Variants in PHF24 observed in about 807,000 individuals in gnomAD.
PHF24 encodes the protein PHD finger protein 24.
PHF24 carries 25 observed loss-of-function variants against 42.6 expected under a neutral mutation model. The ratio of observed to expected loss-of-function variants is 0.59; its 90% confidence interval spans 0.43 to 0.82. PHF24 has a LOEUF of 0.82. PHF24 is among the 40% of genes least tolerant of loss of function. The pLI is 0.00. For missense variants in PHF24, 470 were observed against 538.1 expected, an observed-to-expected ratio of 0.87 and a Z score of 1.25; for synonymous variants, 185 against 204.8, an observed-to-expected ratio of 0.90 and a Z score of 0.83.
At chr9:34,879,880 C>A in the PHF24 span, among the ~76,000 whole-genome samples, 1 of 152,114 alleles carries the variant, frequency 6.6e-6, no homozygotes, top group Admixed American at 6.5e-5. Flanking sequence ...AGAAGAGCAA[C>A]TCCAAGACAC....
the PHF24 span, among the ~76,000 whole-genome samples, chr9:34,756,832 A>C: frequency 6.6e-6 from 1 of 152,092 alleles, no homozygotes; most frequent in Non-Finnish European, 1.5e-5. Context: ...ATATTAATTC[A>C]TCCAGTCTGT....
At chr9:34,806,035 T>G in the PHF24 span, among the ~76,000 whole-genome samples, 6 of 152,232 alleles carry the variant, frequency 3.9e-5, no homozygotes, top group Non-Finnish European at 5.9e-5. Flanking sequence ...CATAGATGTA[T>G]GGGCTTATTT....
the PHF24 span, among the ~76,000 whole-genome samples, chr9:34,722,734 A>G: frequency 6.6e-6 from 1 of 152,132 alleles, no homozygotes; most frequent in Non-Finnish European, 1.5e-5. Flanking sequence ...AAAATGATCA[A>G]TGCTTTGTCT....
At chr9:34,667,622 A>C in the PHF24 span, among the ~76,000 whole-genome samples, 1 of 152,136 alleles carries the variant, frequency 6.6e-6, no homozygotes, top group East Asian at 1.9e-4. Flanking sequence ...TGCTCTGGGA[A>C]AGGAAGGAGA....
At chr9:34,847,812 C>A in the PHF24 span, among the ~76,000 whole-genome samples, 1 of 151,884 alleles carries the variant, frequency 6.6e-6, no homozygotes, top group African/African-American at 2.4e-5. Flanking sequence ...TAGCATGAAG[C>A]GTTGTTGAAT....
At chr9:34,771,205 AT>A in the PHF24 span, among the ~76,000 whole-genome samples, 1 of 152,324 alleles carries the variant, frequency 6.6e-6, no homozygotes, top group Admixed American at 6.5e-5. Context: ...TCACTGGACA[AT>A]TTCATTGTTG....
chr9:34,930,097 AG>A, the PHF24 span, among the ~76,000 whole-genome samples: 1 of 152,228 alleles, frequency 6.6e-6, no homozygotes, highest in Non-Finnish European at 1.5e-5. Flanking sequence ...CACGTAAAAT[AG>A]AGAAGAAAAA....
At chr9:34,799,298 A>G in the PHF24 span, among the ~76,000 whole-genome samples, 2 of 152,164 alleles carry the variant, frequency 1.3e-5, no homozygotes, top group Non-Finnish European at 1.5e-5. Flanking sequence ...TAAACCATAT[A>G]ACATTGGGCG....
At chr9:34,709,117 C>T in the PHF24 span, 6 of 541,360 alleles carry the variant, frequency 1.1e-5, no homozygotes, top group Non-Finnish European at 6.5e-6. Flanking sequence ...GATGATTCTC[C>T]TTCAAGGGGA....
At chr9:34,850,220 C>T in the PHF24 span, among the ~76,000 whole-genome samples, 3 of 152,170 alleles carry the variant, frequency 2.0e-5, no homozygotes, top group Non-Finnish European at 4.4e-5. Flanking sequence ...TCCATTCTCC[C>T]TGTCACTTTC....
At chr9:34,808,756 C>T in the PHF24 span, among the ~76,000 whole-genome samples, 1 of 151,760 alleles carries the variant, frequency 6.6e-6, no homozygotes, top group African/African-American at 2.4e-5. Context: ...TTTTAAAAGG[C>T]ATTAAACTCA....
chr9:34,730,097 T>C, the PHF24 span, among the ~76,000 whole-genome samples: 1 of 152,180 alleles, frequency 6.6e-6, no homozygotes, highest in Non-Finnish European at 1.5e-5. Flanking sequence ...ACATTCATGC[T>C]CAGGGAGATG....
At chr9:34,745,637 G>A in the PHF24 span, among the ~76,000 whole-genome samples, 1 of 149,298 alleles carries the variant, frequency 6.7e-6, no homozygotes, top group Non-Finnish European at 1.5e-5. Flanking sequence ...ATTTATTATG[G>A]GGGGTAAAGT....
In PHF24 at chr9:34,982,344, C is replaced by G. The variant is rs565392808; in HGVS notation, c.*4233C>G. 3 of 152,336 alleles carry G rather than the reference C, an allele frequency of 2.0e-5. No homozygotes were observed. In the East Asian group the frequency reaches 5.8e-4, roughly 29 times the overall value. 9.4% of individuals were successfully genotyped at this position (152,336 alleles called of 1,614,324 possible). ...GCAACACTTGGGAATCCAATGCGCTCTGGTCCCTCATGCCCTTCCCATGTG... is the reference window on the plus strand; with the variant it reads ...GCAACACTTGGGAATCCAATGCGCTGTGGTCCCTCATGCCCTTCCCATGTG... On this transcript the variant is annotated 3_prime_UTR_variant, in exon 8 of 8. Transcript: ENST00000242315.
At chr9:34,906,727 G>A in the PHF24 span, among the ~76,000 whole-genome samples, 1 of 151,002 alleles carries the variant, frequency 6.6e-6, no homozygotes, top group Non-Finnish European at 1.5e-5. Context: ...CACTCAAAGT[G>A]CAGGGAGGGA....
the PHF24 span, among the ~76,000 whole-genome samples, chr9:34,855,505 A>C: frequency 6.6e-6 from 1 of 152,170 alleles, no homozygotes; most frequent in Non-Finnish European, 1.5e-5. Context: ...CTTGTCCTGA[A>C]AAGGATCTTA....
At chr9:34,735,133 C>CTTTTTT in the PHF24 span, among the ~76,000 whole-genome samples, 39 of 112,472 alleles carry the variant, frequency 3.5e-4, no homozygotes, top group Non-Finnish European at 4.8e-4. Context: ...TTTCTTTTTT[C>CTTTTTT]TTTTTTTTTT....
At chr9:34,807,341 C>G in the PHF24 span, among the ~76,000 whole-genome samples, 5 of 152,296 alleles carry the variant, frequency 3.3e-5, no homozygotes, top group Admixed American at 3.3e-4. Context: ...AAGTCAACAG[C>G]CTCCCACCTA....
chr9:34,723,987 C>T, the PHF24 span: 1 of 1,550,418 alleles, frequency 6.4e-7, no homozygotes, highest in Non-Finnish European at 8.7e-7. Flanking sequence ...AGCATCCCTG[C>T]TGGCCTCTGG....
Sources: gnomAD v4.1 joint callset for allele counts (sites outside exome capture counted in the v4.1 genomes callset) on GRCh38, gnomAD v4.1.1 for gene constraint, MANE v1.5 for transcripts, NCBI Gene and HGNC (gene_info 2026-07-23, HGNC 2026-07-21) for gene names.